PDE4D: variants seen among roughly 807,000 people sequenced by gnomAD.
PDE4D encodes 3',5'-cyclic-AMP phosphodiesterase 4D.
A neutral mutation model predicts 87.4 loss-of-function variants in PDE4D; 24 were observed. The observed-to-expected ratio is 0.27, with a 90% CI of 0.20 to 0.39. The LOEUF is 0.39. PDE4D is among the 10% of genes least tolerant of loss of function. The probability of loss-of-function intolerance (pLI) is 1.00; values close to 1 mark genes in which losing one functional copy is unlikely to be tolerated. For missense variants in PDE4D, 714 were observed against 1,041.0 expected (o/e 0.69, Z 4.32); for synonymous variants, 384 against 383.2 (o/e 1.00, Z -0.02).
intron 1 of PDE4D, among the ~76,000 whole-genome samples, chr5:60,329,972 G>C (rs902035769): frequency 4.6e-5 from 7 of 152,226 alleles, no homozygotes; most frequent in African/African-American, 1.7e-4. Context: ...GTGTCAGTGA[G>C]CAAACAGCTC....
intron 2 of PDE4D, among the ~76,000 whole-genome samples, chr5:60,109,519 C>A (rs1402524632): frequency 2.0e-5 from 3 of 150,932 alleles, no homozygotes; most frequent in Non-Finnish European, 4.4e-5. Context: ...GGGTATATAC[C>A]CAAAGGACTA....
intron 1 of PDE4D, among the ~76,000 whole-genome samples, chr5:60,472,438 T>C (rs1025806321): frequency 1.3e-5 from 2 of 152,146 alleles, no homozygotes; most frequent in African/African-American, 2.4e-5. Flanking sequence ...GAAAGCACTA[T>C]AGAAATCTAA....
At chr5:59,648,844 G>C (rs556348197) in intron 1 of PDE4D, among the ~76,000 whole-genome samples, 3 of 152,264 alleles carry the variant, frequency 2.0e-5, no homozygotes, top group African/African-American at 4.8e-5. Flanking sequence ...ATACCAAAGG[G>C]AGGAAGTGGC....
chr5:60,460,585 T>C (rs1214202117), intron 1 of PDE4D: 13 of 1,310,146 alleles, frequency 9.9e-6, no homozygotes, highest in Non-Finnish European at 1.4e-5. Context: ...TATTTCATTT[T>C]GTACTTCATC....
At chr5:60,181,311 A>T (rs1784359150) in intron 2 of PDE4D, among the ~76,000 whole-genome samples, 1 of 152,202 alleles carries the variant, frequency 6.6e-6, no homozygotes, top group South Asian at 2.1e-4. Context: ...ACAATTTTTT[A>T]AAGTCTTCCA....
chr5:59,924,183 AAAAG>A (rs1754992886), intron 3 of PDE4D, among the ~76,000 whole-genome samples: 1 of 151,806 alleles, frequency 6.6e-6, no homozygotes, highest in South Asian at 2.1e-4. Flanking sequence ...CAGAAGAGAC[AAAAG>A]AAAGAAAAAC....
intron 1 of PDE4D, among the ~76,000 whole-genome samples, chr5:60,208,928 T>C (rs1280712984): frequency 6.6e-6 from 1 of 152,152 alleles, no homozygotes. Flanking sequence ...ACAGGAAACC[T>C]GCCTCACTTG....
At chr5:60,059,644 A>C (rs776500303) in intron 2 of PDE4D, among the ~76,000 whole-genome samples, 2 of 151,978 alleles carry the variant, frequency 1.3e-5, no homozygotes, top group African/African-American at 4.8e-5. Context: ...TAAGAATTCC[A>C]AAACACCACA....
chr5:59,493,719 C>T (rs1402455821), intron 1 of PDE4D, among the ~76,000 whole-genome samples: 1 of 152,124 alleles, frequency 6.6e-6, no homozygotes, highest in Non-Finnish European at 1.5e-5. Context: ...TTACTAAGAT[C>T]AGAAACTGAA....
chr5:60,056,006 G>A (rs750561772), intron 2 of PDE4D, among the ~76,000 whole-genome samples: 2 of 152,114 alleles, frequency 1.3e-5, no homozygotes, highest in African/African-American at 2.4e-5. Flanking sequence ...GTTGCATGAA[G>A]TTCTGTGTCC....
intron 1 of PDE4D, among the ~76,000 whole-genome samples, chr5:60,469,867 C>G (rs141370417): frequency 6.6e-6 from 1 of 152,250 alleles, no homozygotes; most frequent in East Asian, 1.9e-4. Flanking sequence ...CCCTGAGACA[C>G]AACAATATTA....
At chr5:60,133,186 A>T (rs184298652) in intron 2 of PDE4D, among the ~76,000 whole-genome samples, 1 of 152,284 alleles carries the variant, frequency 6.6e-6, no homozygotes, top group East Asian at 1.9e-4. Flanking sequence ...AATAAAGAGG[A>T]TGAACAAGGT....
intron 1 of PDE4D, among the ~76,000 whole-genome samples, chr5:59,639,686 G>T (rs1232408748): frequency 6.6e-6 from 1 of 152,114 alleles, no homozygotes; most frequent in East Asian, 1.9e-4. Context: ...TGGTCAATGG[G>T]CAGTGCACAG....
At chr5:60,504,509 T>C (rs576213774) in intron 1 of PDE4D, among the ~76,000 whole-genome samples, 1 of 152,234 alleles carries the variant, frequency 6.6e-6, no homozygotes, top group South Asian at 2.1e-4. Context: ...CTCAGGCAGT[T>C]TCATTCTCTC....
At chr5:59,060,199 T>C (rs1291523462) in intron 5 of PDE4D, among the ~76,000 whole-genome samples, 1 of 152,134 alleles carries the variant, frequency 6.6e-6, no homozygotes, top group Non-Finnish European at 1.5e-5. Flanking sequence ...TGAGTTGAAT[T>C]TAGCAACAGA....
In PDE4D at chr5:59,042,102, G is replaced by C. The variant is rs1238504777; in HGVS notation, c.809-3131C>G. 2.0e-5 allele frequency among the ~76,000 whole-genome samples: 3 copies of C among 152,172 alleles called. No homozygotes were observed. The East Asian group carries it at 5.8e-4, about 29-fold the overall frequency. On this transcript the variant is annotated intron_variant, in intron 5 of 14. Coordinates refer to ENST00000340635, the MANE Select transcript of PDE4D (RefSeq NM_001104631.2). ...ATCACTGGAACACATCTACATGCTA[G>C]TGAGAAAATAATTACTAACAGAGTA...
intron 6 of PDE4D, among the ~76,000 whole-genome samples, chr5:59,004,359 G>C (rs563351298): frequency 2.8e-4 from 42 of 152,300 alleles, no homozygotes; most frequent in African/African-American, 9.4e-4. Context: ...ACCTTACAGG[G>C]TTGTTGTGAG....
intron 1 of PDE4D, among the ~76,000 whole-genome samples, chr5:60,242,783 A>C (rs1169761767): frequency 6.6e-6 from 1 of 152,088 alleles, no homozygotes; most frequent in Admixed American, 6.6e-5. Flanking sequence ...CTTGAAACAA[A>C]TGATAATGGA....
chr5:59,809,953 C>T (rs1414967030), intron 1 of PDE4D, among the ~76,000 whole-genome samples: 2 of 152,154 alleles, frequency 1.3e-5, no homozygotes, highest in Admixed American at 6.5e-5. Flanking sequence ...AAGAATAATA[C>T]ACATATTGAA....
Sources: gnomAD v4.1 joint callset for allele counts (sites outside exome capture counted in the v4.1 genomes callset) on GRCh38, gnomAD v4.1.1 for gene constraint, MANE v1.5 for transcripts, NCBI Gene and HGNC (gene_info 2026-07-23, HGNC 2026-07-21) for gene names.